Variants in FMN2 observed in about 807,000 individuals in gnomAD.
FMN2 encodes the protein formin 2, also known as formin-2.
In FMN2, 51 loss-of-function variants were observed where a neutral mutation model predicts 142.3. The ratio of observed to expected loss-of-function variants is 0.36; its 90% confidence interval spans 0.29 to 0.45. The LOEUF is 0.45. Among genes scored for constraint, FMN2 ranks in the 20% least tolerant of loss-of-function variants. The pLI is 1.00. For synonymous variants in FMN2, 882 were observed against 869.8 expected (o/e 1.01, Z -0.25); for missense variants, 1,936 against 2,122.8 (o/e 0.91, Z 1.73).
At chr1:240,188,104 C>T in intron 3 of FMN2, 103 bp from the exon 4 acceptor site, 1 of 1,128,758 alleles carries the variant, frequency 8.9e-7, no homozygotes, top group Non-Finnish European at 1.3e-6. Flanking sequence ...TTTTTTGGTA[C>T]TTATGGTTAA....
chr1:240,312,129 A>C (rs1238576940), intron 8 of FMN2, among the ~76,000 whole-genome samples: 1 of 152,006 alleles, frequency 6.6e-6, no homozygotes, highest in Non-Finnish European at 1.5e-5. Context: ...TTCTCTGAGC[A>C]CTTCTCCTTC....
At chr1:240,328,752 G>A (rs566505606) in intron 8 of FMN2, among the ~76,000 whole-genome samples, 25 of 152,042 alleles carry the variant, frequency 1.6e-4, no homozygotes, top group African/African-American at 5.5e-4. Flanking sequence ...ACCATGCCCC[G>A]CTAATTTTTG....
intron 8 of FMN2, among the ~76,000 whole-genome samples, chr1:240,316,915 T>C (rs1484741846): frequency 2.0e-5 from 3 of 152,120 alleles, no homozygotes; most frequent in African/African-American, 7.2e-5. Context: ...CAATTTTGCA[T>C]GCACTCCTAC....
rs117067720 is a variant in FMN2 at position 240,443,765 on chromosome 1, T to G, written c.5060+5555T>G. ...AAGACTCAGTCTCAAAAAAAAAAAT[T>G]TTTTTTTCAATTTGTCTGTATTCAC... On this transcript the variant is annotated intron_variant, in intron 16 of 17. Coordinates refer to ENST00000319653, the MANE Select transcript of FMN2 (RefSeq NM_020066.5). Among the ~76,000 whole-genome samples the G allele has an allele frequency of 6.1e-4, 92 of 151,914 alleles. 5 individuals carry two copies. In the East Asian group the frequency reaches 0.017, roughly 29 times the overall value.
At chr1:240,167,819 G>A (rs942372135) in intron 2 of FMN2, among the ~76,000 whole-genome samples, 5 of 152,168 alleles carry the variant, frequency 3.3e-5, no homozygotes, top group Non-Finnish European at 7.3e-5. Context: ...GCTCACACCT[G>A]TAATCCCAGC....
rs13374265 is a variant in FMN2 at position 240,456,676 on chromosome 1, G to T, written c.5061-15696G>T. The stretch of plus-strand genomic sequence containing the variant: ...TCTCCATGTTGGTCAGACTGGTCGC[G>T]AACTCCCGACCTCAGGTGATTCACA... On this transcript the variant is annotated intron_variant, in intron 16 of 17. Transcript: ENST00000319653. Among the ~76,000 whole-genome samples the T allele has an allele frequency of 8.5e-3, 1,292 of 152,190 alleles. 22 individuals carry two copies. The highest frequency in any genetic ancestry group is 0.03 in the African/African-American group (1,225 of 41,520).
intron 2 of FMN2, among the ~76,000 whole-genome samples, chr1:240,126,453 A>G (rs1662515181): frequency 6.7e-6 from 1 of 149,738 alleles, no homozygotes; most frequent in Non-Finnish European, 1.5e-5. Flanking sequence ...TATGTATGCA[A>G]TTACAGCAAT....
At chr1:240,353,523 G>A (rs971953423) in intron 13 of FMN2, among the ~76,000 whole-genome samples, 2 of 152,170 alleles carry the variant, frequency 1.3e-5, no homozygotes, top group Non-Finnish European at 2.9e-5. Flanking sequence ...AGGCACAAAT[G>A]GAAATAAGAT....
At chr1:240,213,660 A>G (rs1485985380) in intron 6 of FMN2, among the ~76,000 whole-genome samples, 1 of 152,240 alleles carries the variant, frequency 6.6e-6, no homozygotes, top group Admixed American at 6.5e-5. Context: ...AGTAAAATTA[A>G]TAGCCTTTAA....
intron 6 of FMN2, among the ~76,000 whole-genome samples, chr1:240,252,057 C>T (rs529334058): frequency 2.6e-5 from 4 of 152,108 alleles, no homozygotes; most frequent in East Asian, 1.9e-4. Flanking sequence ...TACAGACGCC[C>T]GCCATCTCAC....
intron 15 of FMN2, among the ~76,000 whole-genome samples, chr1:240,426,516 A>G (rs927555917): frequency 6.6e-6 from 1 of 152,146 alleles, no homozygotes; most frequent in Non-Finnish European, 1.5e-5. Context: ...TTACTCTATT[A>G]TGGAAAAGTT....
intron 4 of FMN2, among the ~76,000 whole-genome samples, chr1:240,205,432 C>T (rs2103381501): frequency 6.6e-6 from 1 of 151,264 alleles, no homozygotes; most frequent in East Asian, 1.9e-4. Context: ...AAATAATTTA[C>T]CCTTAAGAAG....
chr1:240,399,604 C>G (rs1673904456), intron 15 of FMN2, among the ~76,000 whole-genome samples: 1 of 152,190 alleles, frequency 6.6e-6, no homozygotes, highest in African/African-American at 2.4e-5. Context: ...ACTGAGTCAG[C>G]AGGCTGCCAG....
intron 6 of FMN2, among the ~76,000 whole-genome samples, chr1:240,227,721 G>C (rs1667362831): frequency 6.6e-6 from 1 of 152,140 alleles, no homozygotes; most frequent in African/African-American, 2.4e-5. Flanking sequence ...TCAACAAATG[G>C]TGTTGGGACA....
intron 4 of FMN2, among the ~76,000 whole-genome samples, chr1:240,188,630 C>G (rs1665578911): frequency 6.6e-6 from 1 of 152,166 alleles, no homozygotes; most frequent in Admixed American, 6.5e-5. Flanking sequence ...AGAAATCTGT[C>G]AGAGCTTTGC....
chr1:240,211,370 C>G (rs1666687186), intron 6 of FMN2, 135 bp downstream of exon 6: 12 of 772,810 alleles, frequency 1.6e-5, no homozygotes, highest in Non-Finnish European at 2.3e-5. Flanking sequence ...AGGGTTAGAA[C>G]TTTAGAACAT....
chr1:240,261,492 A>G (rs1442788270), intron 7 of FMN2, among the ~76,000 whole-genome samples: 3 of 152,050 alleles, frequency 2.0e-5, no homozygotes, highest in Non-Finnish European at 4.4e-5. Context: ...CTTTGCTGTC[A>G]GTACTCTAGG....
intron 15 of FMN2, among the ~76,000 whole-genome samples, chr1:240,400,254 G>A (rs1330387132): frequency 2.0e-5 from 3 of 152,144 alleles, no homozygotes; most frequent in African/African-American, 7.2e-5. Context: ...AGGTCAGGCT[G>A]ACGTGGAAAC....
In FMN2 at chr1:240,137,185, G is replaced by GT. The variant is rs376598868; in HGVS notation, c.1782+13849dup. Among the ~76,000 whole-genome samples, 22 of 146,798 alleles carry GT rather than the reference G, an allele frequency of 1.5e-4. 1 individual carries two copies. In the South Asian group the frequency reaches 2.4e-3, roughly 16 times the overall value. On this transcript the variant is annotated intron_variant, in intron 2 of 17. Coordinates refer to ENST00000319653, the MANE Select transcript of FMN2 (RefSeq NM_020066.5). ...AGGGTTTTTTTGTTTCTTGTTTTTT[G>GT]TTTTTTTTTAGGTCCTCCCAATTTG...
Sources: allele counts gnomAD v4.1 joint callset (sites outside exome capture counted in the v4.1 genomes callset), GRCh38; gene constraint gnomAD v4.1.1; transcripts MANE v1.5; gene names NCBI Gene and HGNC (gene_info 2026-07-23, HGNC 2026-07-21).